The following ROBO1 variants were observed in gnomAD, a reference collection of about 807,000 sequenced individuals.
ROBO1 encodes roundabout guidance receptor 1.
Under a neutral mutation model 195.9 loss-of-function variants are expected in ROBO1, and 149 were observed. That is an observed-to-expected ratio of 0.76 (90% CI 0.67 to 0.87). ROBO1 has a LOEUF of 0.87. ROBO1 is among the 40% of genes least tolerant of loss of function. The pLI is 0.00. For synonymous variants in ROBO1, 816 were observed against 733.2 expected (o/e 1.11, Z -1.82); for missense variants, 1,933 against 2,068.3 (o/e 0.93, Z 1.27).
chr3:79,635,247 C>T (rs2108043494), intron 1 of ROBO1, among the ~76,000 whole-genome samples: 1 of 152,278 alleles, frequency 6.6e-6, no homozygotes, highest in African/African-American at 2.4e-5. Context: ...ATGCATGATG[C>T]TTACACAATC....
At chr3:78,728,630 A>T (rs1477960330) in intron 5 of ROBO1, among the ~76,000 whole-genome samples, 1 of 152,206 alleles carries the variant, frequency 6.6e-6, no homozygotes, top group Non-Finnish European at 1.5e-5. Context: ...ATATAACAAA[A>T]GGACACCGGG....
At chr3:78,833,677 A>G (rs2032438788) in intron 4 of ROBO1, among the ~76,000 whole-genome samples, 1 of 152,124 alleles carries the variant, frequency 6.6e-6, no homozygotes, top group South Asian at 2.1e-4. Context: ...CTTAGTTCTG[A>G]GCCTGGCCTT....
At position 79,573,507 on chromosome 3, in the gene ROBO1, T is replaced by C. The variant is rs191777062; in HGVS notation, c.88+16317A>G. On this transcript the variant is annotated intron_variant, in intron 2 of 30. Coordinates refer to ENST00000464233, the MANE Select transcript of ROBO1 (RefSeq NM_002941.4). Reference sequence around the variant, plus strand: ...TATTTATTATTCATTTATTACAGTTTGCTTACAAAATTTATCCTCAATTAT... The same window carrying C: ...TATTTATTATTCATTTATTACAGTTCGCTTACAAAATTTATCCTCAATTAT... 2.0e-5 allele frequency among the ~76,000 whole-genome samples: 3 copies of C among 152,322 alleles called. No individual in the cohort carries two copies. The East Asian group carries it at 5.8e-4, about 29-fold the overall frequency.
Position 79,694,465 on chromosome 3 carries a change from TCA to T in ROBO1, c.-51+73285_-51+73286del, listed in dbSNP as rs369112585. ...CACCCAACTCTGGGCTATCTCCACC[TCA>T]GTTTTTCTGTTCTGCTCTTACATTC... is the stretch of plus-strand genomic sequence containing the variant. On this transcript the variant is annotated intron_variant, in intron 1 of 30. Transcript: ENST00000464233. Among the ~76,000 whole-genome samples the T allele has an allele frequency of 5.8e-3, 877 of 151,930 alleles. 14 individuals are homozygous for T. Among genetic ancestry groups the T allele is most frequent in the African/African-American group, 0.018 (749 of 41,522 alleles).
chr3:78,635,718 G>T (rs896338122), intron 23 of ROBO1, 55 bp downstream of exon 23: 4 of 1,404,630 alleles, frequency 2.8e-6, no homozygotes, highest in Non-Finnish European at 2.9e-6. Context: ...ACATCTAGTC[G>T]AGGTGCTGAG....
In ROBO1 at chr3:78,939,442, G is replaced by A. The variant is rs545977184; in HGVS notation, c.173-515C>T. Reference sequence around the variant, plus strand: ...ATCCTGGCTAACAAGGTGAAACCCCGTCTCTACTAAAAAAAAAAAAAAAAA... The same window carrying A: ...ATCCTGGCTAACAAGGTGAAACCCCATCTCTACTAAAAAAAAAAAAAAAAA... On this transcript the variant is annotated intron_variant, in intron 3 of 30. Transcript: ENST00000464233. Among the ~76,000 whole-genome samples the A allele has an allele frequency of 3.9e-4, 57 of 147,188 alleles. 1 individual carries two copies. Among genetic ancestry groups the A allele is most frequent in the South Asian group, 2.3e-3 (11 of 4,682 alleles).
intron 29 of ROBO1, among the ~76,000 whole-genome samples, chr3:78,601,177 C>T (rs569002346): frequency 7.2e-5 from 11 of 152,300 alleles, no homozygotes; most frequent in African/African-American, 2.4e-4. Flanking sequence ...CCAAATGCTT[C>T]CTCTACTATT....
Position 78,627,564 on chromosome 3 carries a change from T to A in ROBO1, c.3632A>T (p.Asp1211Val), listed in dbSNP as rs1377184014. ...TGGCACGGGACATGGCATTTCTTGG[T>A]CATAGCTAAAATAAATGATAAGGAT... ...EYNISVDESY[D>V]QEMPCPVPPA... is the part of the protein sequence containing the mutation. The change falls in exon 26 of 31, where the codon GAC (aspartate) becomes GTC (valine). Residue 1211 changes from aspartate (D) to valine (V), a missense_variant. Coordinates refer to ENST00000464233, the MANE Select transcript of ROBO1 (RefSeq NM_002941.4). 6.2e-7 allele frequency: 1 copy of A among 1,610,102 alleles called. No homozygotes were observed. The highest frequency in any genetic ancestry group is 1.1e-5 in the South Asian group (1 of 90,450).
chr3:78,667,149 C>T (rs1307326659), intron 14 of ROBO1, among the ~76,000 whole-genome samples: 1 of 151,878 alleles, frequency 6.6e-6, no homozygotes, highest in African/African-American at 2.4e-5. Context: ...GAGTACTGAA[C>T]TTATAAATAA....
At chr3:79,684,804 T>C (rs979443149) in intron 1 of ROBO1, among the ~76,000 whole-genome samples, 1 of 151,844 alleles carries the variant, frequency 6.6e-6, no homozygotes, top group Non-Finnish European at 1.5e-5. Context: ...GCCTCCTGAG[T>C]AGCTGGGACT....
intron 2 of ROBO1, among the ~76,000 whole-genome samples, chr3:79,438,817 A>G (rs1212430347): frequency 1.3e-5 from 2 of 152,020 alleles, no homozygotes; most frequent in Admixed American, 6.6e-5. Flanking sequence ...CTTTTCTTCC[A>G]CCAGAGTCTT....
intron 2 of ROBO1, among the ~76,000 whole-genome samples, chr3:79,212,387 C>G (rs577587832): frequency 4.6e-5 from 7 of 152,142 alleles, no homozygotes; most frequent in Non-Finnish European, 1.0e-4. Context: ...AAACGGAGTT[C>G]TATGTATGCA....
intron 4 of ROBO1, among the ~76,000 whole-genome samples, chr3:78,810,287 C>T (rs1036749583): frequency 6.6e-6 from 1 of 152,124 alleles, no homozygotes; most frequent in Non-Finnish European, 1.5e-5. Context: ...CAACTGTTAT[C>T]CCTTGTCCAA....
At chr3:78,739,744 A>G (rs2082478609) in intron 5 of ROBO1, among the ~76,000 whole-genome samples, 1 of 152,194 alleles carries the variant, frequency 6.6e-6, no homozygotes, top group African/African-American at 2.4e-5. Context: ...ACTGAACATA[A>G]TATGGACTAG....
intron 8 of ROBO1, among the ~76,000 whole-genome samples, chr3:78,694,576 C>T (rs2081245296): frequency 1.3e-5 from 2 of 152,128 alleles, no homozygotes; most frequent in Admixed American, 1.3e-4. Flanking sequence ...TTCACTCACT[C>T]AAGTTAGAAA....
intron 2 of ROBO1, among the ~76,000 whole-genome samples, chr3:79,416,723 C>T (rs192622879): frequency 6.6e-6 from 1 of 152,146 alleles, no homozygotes; most frequent in Non-Finnish European, 1.5e-5. Flanking sequence ...TATTTATAGA[C>T]AGTAATGCTC....
intron 2 of ROBO1, among the ~76,000 whole-genome samples, chr3:79,421,402 T>G (rs1169032392): frequency 6.6e-6 from 1 of 151,822 alleles, no homozygotes; most frequent in East Asian, 1.9e-4. Context: ...AGAGAGACCT[T>G]ACAGCATCTG....
intron 2 of ROBO1, among the ~76,000 whole-genome samples, chr3:79,180,879 T>G (rs1185122146): frequency 1.3e-5 from 2 of 152,036 alleles, no homozygotes; most frequent in African/African-American, 2.4e-5. Flanking sequence ...TGAGGATCAG[T>G]GATTTCCATT....
At chr3:79,563,965 A>C (rs1943008950) in intron 2 of ROBO1, among the ~76,000 whole-genome samples, 1 of 151,948 alleles carries the variant, frequency 6.6e-6, no homozygotes, top group African/African-American at 2.4e-5. Context: ...AATATAGATT[A>C]TAGGAATTTA....
Sources: allele counts gnomAD v4.1 joint callset (sites outside exome capture counted in the v4.1 genomes callset), GRCh38; gene constraint gnomAD v4.1.1; transcripts MANE v1.5; gene names NCBI Gene and HGNC (gene_info 2026-07-23, HGNC 2026-07-21).